ALK: variants seen among roughly 807,000 people sequenced by gnomAD.
The protein encoded by ALK is ALK receptor tyrosine kinase.
Under a neutral mutation model 163.1 loss-of-function variants are expected in ALK, and 74 were observed. The observed-to-expected ratio is 0.45, with a 90% CI of 0.38 to 0.55. The LOEUF (loss-of-function observed/expected upper bound fraction) is 0.55, where lower values mean the gene tolerates loss of function less well. Among genes scored for constraint, ALK ranks in the 20% least tolerant of loss-of-function variants. The pLI, the probability that ALK is intolerant of heterozygous loss-of-function variation, is 0.00. For missense variants in ALK, 2,063 were observed against 2,105.3 expected, an observed-to-expected ratio of 0.98 and a Z score of 0.39; for synonymous variants, 960 against 843.2, an observed-to-expected ratio of 1.14 and a Z score of -2.40.
intron 8 of ALK, among the ~76,000 whole-genome samples, chr2:29,312,470 C>A (rs865816417): frequency 6.6e-6 from 1 of 152,130 alleles, no homozygotes; most frequent in East Asian, 1.9e-4. Context: ...CTTGGTGATG[C>A]TCCTTTTGCA....
intron 3 of ALK, among the ~76,000 whole-genome samples, chr2:29,675,819 A>G (rs1677856136): frequency 6.6e-6 from 1 of 151,956 alleles, no homozygotes; most frequent in African/African-American, 2.4e-5. Flanking sequence ...TGTATGTGCA[A>G]TGTGAGCTTT....
chr2:29,792,551 A>G (rs1664213975), intron 1 of ALK, among the ~76,000 whole-genome samples: 1 of 152,220 alleles, frequency 6.6e-6, no homozygotes, highest in African/African-American at 2.4e-5. Flanking sequence ...ACATCTTTAG[A>G]TAAGACAGGA....
chr2:29,733,162 G>A (rs867892003), intron 1 of ALK, among the ~76,000 whole-genome samples: 9 of 152,070 alleles, frequency 5.9e-5, no homozygotes, highest in African/African-American at 7.2e-5. Flanking sequence ...CCCTGAAAGC[G>A]GGGCACTAGG....
chr2:29,842,683 T>C (rs556645775), intron 1 of ALK, among the ~76,000 whole-genome samples: 4 of 152,226 alleles, frequency 2.6e-5, no homozygotes, highest in African/African-American at 9.6e-5. Flanking sequence ...AGATGGAGGA[T>C]AGTAAGAAAG....
chr2:29,222,353 A>G lies in ALK; in HGVS notation c.3506T>C (p.Leu1169Pro), dbSNP rs2148168580. 4 of 1,613,912 alleles carry G rather than the reference A, an allele frequency of 2.5e-6. No homozygotes were observed. The highest frequency in any genetic ancestry group is 3.4e-6 in the Non-Finnish European group (4 of 1,179,930). ...CTCTCTGTGGCTTTACCTGATGATC[A>G]GGGCTTCCATGAGGAAATCCAGTTC... ...QDELDFLMEALIISKFNHQNI... is the reference protein window; with the variant it reads ...QDELDFLMEAPIISKFNHQNI... The change falls in exon 22 of 29, where the codon CTG (leucine) becomes CCG (proline). Residue 1169 changes from leucine to proline, a missense_variant. Coordinates refer to ENST00000389048, the MANE Select transcript of ALK (RefSeq NM_004304.5).
intron 1 of ALK, among the ~76,000 whole-genome samples, chr2:29,811,347 C>T (rs1021100029): frequency 3.9e-5 from 6 of 152,144 alleles, no homozygotes; most frequent in Admixed American, 1.3e-4. Context: ...CCCGTGAATA[C>T]TTACAAAAGA....
rs189075636 is a variant in ALK at position 29,619,018 on chromosome 2, G to C, written c.952+75832C>G. On this transcript the variant is annotated intron_variant, in intron 3 of 28. Coordinates refer to ENST00000389048, the MANE Select transcript of ALK (RefSeq NM_004304.5). ...AAATAAATAAAAAAAAAAAACACTT[G>C]AAAAATAGTTGTGTATTTATTTAAT... 2.2e-3 allele frequency among the ~76,000 whole-genome samples: 327 copies of C among 151,280 alleles called. 1 individual carries two copies. Among genetic ancestry groups the C allele is most frequent in the Non-Finnish European group, 3.8e-3 (260 of 67,740 alleles).
intron 4 of ALK, among the ~76,000 whole-genome samples, chr2:29,391,277 T>C (rs561841245): frequency 7.4e-6 from 1 of 134,728 alleles, no homozygotes; most frequent in South Asian, 2.7e-4. Flanking sequence ...TAAATGGTCC[T>C]GAGCTCCTTT....
chr2:29,822,997 C>G (rs1461422989), intron 1 of ALK, among the ~76,000 whole-genome samples: 1 of 152,202 alleles, frequency 6.6e-6, no homozygotes, highest in Non-Finnish European at 1.5e-5. Flanking sequence ...TGTGTCCCCA[C>G]CCAAAACTCA....
At chr2:29,201,383 T>C (rs1669174995) in intron 26 of ALK, among the ~76,000 whole-genome samples, 1 of 152,172 alleles carries the variant, frequency 6.6e-6, no homozygotes, top group Non-Finnish European at 1.5e-5. Flanking sequence ...GCAGCACCTC[T>C]GGTTATGCAT....
chr2:29,494,357 G>T (rs116350950), intron 4 of ALK, among the ~76,000 whole-genome samples: 521 of 152,294 alleles, frequency 3.4e-3, no homozygotes, highest in Non-Finnish European at 5.7e-3. Flanking sequence ...AACAGGAGCT[G>T]CGGGAGAAAT....
Position 29,851,328 on chromosome 2 carries a change from C to A in ALK, c.667+68665G>T, listed in dbSNP as rs1665985692. On this transcript the variant is annotated intron_variant, in intron 1 of 28. Transcript: ENST00000389048. ...CACAGCTGGCTGCTTCCTTTCATTG[C>A]CTTCTACACTTGCTCTTCCTTGGCT... is the stretch of plus-strand genomic sequence containing the variant. Among the ~76,000 whole-genome samples, 3 of 152,100 alleles carry A rather than the reference C, an allele frequency of 2.0e-5. No homozygotes were observed. In the South Asian group the frequency reaches 6.2e-4, roughly 32 times the overall value.
At chr2:29,645,380 T>G (rs1676842153) in intron 3 of ALK, among the ~76,000 whole-genome samples, 1 of 152,166 alleles carries the variant, frequency 6.6e-6, no homozygotes, top group Non-Finnish European at 1.5e-5. Flanking sequence ...GAAACAAACT[T>G]GGCTTCTTTC....
chr2:29,636,560 C>CA (rs1045473690), intron 3 of ALK, among the ~76,000 whole-genome samples: 8 of 151,592 alleles, frequency 5.3e-5, no homozygotes, highest in African/African-American at 1.9e-4. Context: ...GACTTGGCAC[C>CA]AAAAAACACT....
At chr2:29,349,445 C>A (rs933030410) in intron 5 of ALK, among the ~76,000 whole-genome samples, 25 of 152,206 alleles carry the variant, frequency 1.6e-4, no homozygotes, top group African/African-American at 5.8e-4. Context: ...TAGTCCATTG[C>A]TAGTCACAGT....
At chr2:29,695,709 T>C (rs1463446860) in intron 2 of ALK, among the ~76,000 whole-genome samples, 1 of 152,066 alleles carries the variant, frequency 6.6e-6, no homozygotes, top group Non-Finnish European at 1.5e-5. Flanking sequence ...GCAAAGGATA[T>C]GAACAGACAT....
chr2:29,480,719 A>G (rs1458948389), intron 4 of ALK, among the ~76,000 whole-genome samples: 4 of 149,388 alleles, frequency 2.7e-5, no homozygotes, highest in African/African-American at 7.4e-5. Context: ...GCCGGGGGCT[A>G]CAGGCACTCT....
At chr2:29,868,126 A>T (rs1231031064) in intron 1 of ALK, among the ~76,000 whole-genome samples, 1 of 152,206 alleles carries the variant, frequency 6.6e-6, no homozygotes, top group Non-Finnish European at 1.5e-5. Flanking sequence ...AAGGCTGTAG[A>T]GTTGGAGCTG....
At chr2:29,853,856 T>C (rs977296590) in intron 1 of ALK, among the ~76,000 whole-genome samples, 1 of 151,678 alleles carries the variant, frequency 6.6e-6, no homozygotes, top group African/African-American at 2.4e-5. Flanking sequence ...CCTCCCCACC[T>C]CCTGGCTTTG....
Sources: gnomAD v4.1 joint callset for allele counts (sites outside exome capture counted in the v4.1 genomes callset) on GRCh38, gnomAD v4.1.1 for gene constraint, MANE v1.5 for transcripts, NCBI Gene and HGNC (gene_info 2026-07-23, HGNC 2026-07-21) for gene names.